Variants in PPARG observed in about 807,000 individuals in gnomAD.
PPARG encodes the protein peroxisome proliferator-activated receptor gamma.
PPARG carries 17 observed loss-of-function variants against 39.2 expected under a neutral mutation model. The ratio of observed to expected loss-of-function variants is 0.43; its 90% confidence interval spans 0.30 to 0.65. The LOEUF (loss-of-function observed/expected upper bound fraction) is 0.65. Among genes scored for constraint, PPARG ranks in the 30% least tolerant of loss-of-function variants. PPARG has a pLI of 0.13. For synonymous variants in PPARG, 223 were observed against 215.7 expected, an observed-to-expected ratio of 1.03 and a Z score of -0.30; for missense variants, 406 against 585.9, an observed-to-expected ratio of 0.69 and a Z score of 3.17.
intron 2 of PPARG, among the ~76,000 whole-genome samples, chr3:12,322,000 T>G (rs1031971620): frequency 8.5e-5 from 13 of 152,242 alleles, no homozygotes; most frequent in African/African-American, 3.1e-4. Flanking sequence ...TGACTAAATA[T>G]TATTTCTAAA....
intron 2 of PPARG, among the ~76,000 whole-genome samples, chr3:12,336,406 G>A (rs1227076132): frequency 6.6e-6 from 1 of 151,908 alleles, no homozygotes; most frequent in Admixed American, 6.6e-5. Context: ...GATACTCTTT[G>A]AGGACTAGTG....
upstream of PPARG, chr3:12,287,937 G>C (rs1343135270): frequency 6.8e-6 from 1 of 147,074 alleles, no homozygotes; most frequent in African/African-American, 2.5e-5. Context: ...CTCGGAGCCC[G>C]AGCCCGAGCC....
chr3:12,399,262 G>A (rs1478409308), intron 5 of PPARG: 1 of 423,220 alleles, frequency 2.4e-6, no homozygotes. Context: ...ATGTTTAAAT[G>A]TCCTCTACAA....
At position 12,428,650 on chromosome 3, in the gene PPARG, A is replaced by T. The variant is rs576505764; in HGVS notation, c.1181-5248A>T. ...CCTGGCTTAGCTCAGTAAAGGACTG[A>T]GTGTGCGTGGAGCAGAAAGGGGAAA... is the stretch of plus-strand genomic sequence containing the variant. On this transcript the variant is annotated intron_variant, in intron 7 of 7. Transcript: ENST00000651735. Among the ~76,000 whole-genome samples, 67 of 152,324 alleles carry T rather than the reference A, an allele frequency of 4.4e-4. No individual in the cohort carries two copies. In the South Asian group the frequency reaches 0.014, roughly 32 times the overall value.
chr3:12,429,087 C>T (rs1053746278), intron 7 of PPARG, among the ~76,000 whole-genome samples: 4 of 152,148 alleles, frequency 2.6e-5, no homozygotes, highest in Admixed American at 6.5e-5. Context: ...CTTGCCTTAA[C>T]GGAGGCTCAG....
At chr3:12,347,831 GT>G (rs2048371419) in intron 2 of PPARG, among the ~76,000 whole-genome samples, 1 of 152,172 alleles carries the variant, frequency 6.6e-6, no homozygotes, top group Non-Finnish European at 1.5e-5. Flanking sequence ...CAATATGTGT[GT>G]TTTAATGCCA....
Position 12,366,139 on chromosome 3 carries a change from A to C in PPARG, c.-8-13565A>C, listed in dbSNP as rs143254481. Among the ~76,000 whole-genome samples the C allele has an allele frequency of 3.7e-3, 567 of 152,142 alleles. 4 individuals are homozygous for C. The highest frequency in any genetic ancestry group is 0.013 in the African/African-American group (553 of 41,518). ...TATTTTATTAAATTTATACTTAAGT[A>C]TTTTACTTTTCGGGGTGCTAATGTA... On this transcript the variant is annotated intron_variant, in intron 2 of 7. Transcript: ENST00000651735.
intron 2 of PPARG, chr3:12,371,734 C>T: frequency 2.0e-6 from 1 of 491,814 alleles, no homozygotes; most frequent in South Asian, 1.7e-5. Context: ...CCAAGCTGGG[C>T]TCCCGTCCAG....
At chr3:12,299,462 A>G (rs979767625) in intron 1 of PPARG, among the ~76,000 whole-genome samples, 18 of 152,034 alleles carry the variant, frequency 1.2e-4, no homozygotes, top group African/African-American at 2.7e-4. Flanking sequence ...TTACTATCCT[A>G]TTATCTTAGG....
chr3:12,381,522 GT>G, intron 4 of PPARG, 31 bp downstream of exon 4: 1 of 1,604,128 alleles, frequency 6.2e-7, no homozygotes, highest in South Asian at 1.1e-5. Flanking sequence ...CAAAGAAATT[GT>G]TGAAACTTTA....
intron 1 of PPARG, among the ~76,000 whole-genome samples, chr3:12,303,348 C>T (rs1240455093): frequency 6.6e-6 from 1 of 152,090 alleles, no homozygotes; most frequent in African/African-American, 2.4e-5. Flanking sequence ...AGGCATGCAC[C>T]ACCACACCCG....
At chr3:12,415,877 A>G (rs976046175) in intron 6 of PPARG, among the ~76,000 whole-genome samples, 2 of 152,246 alleles carry the variant, frequency 1.3e-5, no homozygotes, top group African/African-American at 4.8e-5. Flanking sequence ...GATTTCATCT[A>G]AAACGGAAAA....
chr3:12,363,779 C>G (rs746474796), intron 2 of PPARG, among the ~76,000 whole-genome samples: 1 of 152,184 alleles, frequency 6.6e-6, no homozygotes, highest in Non-Finnish European at 1.5e-5. Context: ...TTTCATTCCC[C>G]TATCACTGCA....
intron 2 of PPARG, among the ~76,000 whole-genome samples, chr3:12,368,712 A>G (rs972833226): frequency 1.3e-5 from 2 of 152,200 alleles, no homozygotes; most frequent in Non-Finnish European, 2.9e-5. Flanking sequence ...ACTAAATTGT[A>G]TTTCTGCTGA....
chr3:12,417,888 C>CTTTTTTTTTTT (rs1240237792), intron 7 of PPARG, among the ~76,000 whole-genome samples: 124 of 63,938 alleles, frequency 1.9e-3, no homozygotes, highest in East Asian at 2.3e-3. Flanking sequence ...TTTTTTTTTT[C>CTTTTTTTTTTT]TTTTTTTTTT....
chr3:12,411,122 A>G (rs1248757134), intron 6 of PPARG, among the ~76,000 whole-genome samples: 1 of 152,204 alleles, frequency 6.6e-6, no homozygotes, highest in African/African-American at 2.4e-5. Context: ...TAAAGATGTA[A>G]AAGATCTAAA....
intron 2 of PPARG, among the ~76,000 whole-genome samples, chr3:12,353,362 T>G (rs1476870528): frequency 6.6e-6 from 1 of 152,238 alleles, no homozygotes; most frequent in Non-Finnish European, 1.5e-5. Context: ...CCAAGACCTA[T>G]GATTGTTACT....
At chr3:12,411,612 G>C (rs913641129) in intron 6 of PPARG, among the ~76,000 whole-genome samples, 1 of 152,160 alleles carries the variant, frequency 6.6e-6, no homozygotes. Flanking sequence ...CCAGAATCGG[G>C]GCTTAGGTTC....
At chr3:12,359,226 G>A (rs966923098) in intron 2 of PPARG, among the ~76,000 whole-genome samples, 4 of 152,136 alleles carry the variant, frequency 2.6e-5, no homozygotes, top group Non-Finnish European at 5.9e-5. Context: ...TAGGTGATTA[G>A]CTATCTTGAT....
Sources: allele counts gnomAD v4.1 joint callset (sites outside exome capture counted in the v4.1 genomes callset), GRCh38; gene constraint gnomAD v4.1.1; transcripts MANE v1.5; gene names NCBI Gene and HGNC (gene_info 2026-07-23, HGNC 2026-07-21).